ZNF568: variants seen among roughly 807,000 people sequenced by gnomAD.
ZNF568 encodes the protein zinc finger protein 568.
Under a neutral mutation model 18.1 loss-of-function variants are expected in ZNF568, and 11 were observed. The observed-to-expected ratio is 0.61, with a 90% CI of 0.38 to 1.00. ZNF568 has a LOEUF of 1.00. Among genes scored for constraint, ZNF568 ranks in the 50% least tolerant of loss-of-function variants. The probability of loss-of-function intolerance (pLI) is 0.01; values close to 1 mark genes in which losing one functional copy is unlikely to be tolerated. For missense variants in ZNF568, 639 were observed against 768.2 expected (o/e 0.83, Z 1.99); for synonymous variants, 213 against 246.6 (o/e 0.86, Z 1.28).
In ZNF568 at chr19:36,950,873, A is replaced by C. The variant is rs2074049187; in HGVS notation, c.1720A>C (p.Thr574Pro). 1 of 1,613,058 alleles carries C rather than the reference A, an allele frequency of 6.2e-7. No individual in the cohort carries two copies. Among genetic ancestry groups the C allele is most frequent in the Non-Finnish European group, 8.5e-7 (1 of 1,179,704 alleles). ...AGCCTTCTCTCGAATCTCATCCCTC[A>C]CTCTTCATGTGAGAAGTCACACAGG... ...GKAFSRISSLTLHVRSHTGEK... is the reference protein window; with the variant it reads ...GKAFSRISSLPLHVRSHTGEK... Residue 574 changes from threonine (T) to proline (P), a missense_variant, in exon 7 of 7, where the codon ACT becomes CCT. Transcript: ENST00000333987.
chr19:36,961,226 T>C (rs957375168), intron 6 of ZNF568, among the ~76,000 whole-genome samples: 4 of 152,042 alleles, frequency 2.6e-5, no homozygotes, highest in Non-Finnish European at 5.9e-5. Context: ...AGAATTGTTA[T>C]ATCCACTGCT....
chr19:36,991,681 T>G, intron 3 of ZNF568: 2 of 1,262,146 alleles, frequency 1.6e-6, no homozygotes, highest in Non-Finnish European at 2.2e-6. Flanking sequence ...CTCCTCTTTC[T>G]TGGTAATTAG....
At chr19:36,917,487 G>A (rs2073364189) in intron 1 of ZNF568, 92 bp from the exon 2 acceptor site, 1 of 152,050 alleles carries the variant, frequency 6.6e-6, no homozygotes. Context: ...TTTTAGTCCG[G>A]GTTCTCTTTT....
At chr19:36,931,455 T>G (rs485034) in intron 4 of ZNF568, 55,021 of 152,060 alleles carry the variant, frequency 0.36, 10,241 homozygotes, top group African/African-American at 0.4. Context: ...GGCATGAACT[T>G]GGCTCAGGTG....
In ZNF568 at chr19:36,936,684, A is replaced by G; in HGVS notation, c.136-62A>G. The G allele has an allele frequency of 6.5e-6, 10 of 1,548,084 alleles. No homozygotes were observed. In the South Asian group the frequency reaches 8.6e-5, roughly 13 times the overall value. On this transcript the variant is annotated intron_variant, in intron 4 of 6. Transcript: ENST00000333987. ...GAGTACCAGCTAAACAAGTTCTTGT[A>G]TGTTGTGATCACAATGCCTAATTTT...
At chr19:36,927,891 ATATATATATATATTTTTTTT>A (rs2073600688) in intron 4 of ZNF568, among the ~76,000 whole-genome samples, 1 of 24,776 alleles carries the variant, frequency 4.0e-5, no homozygotes, top group African/African-American at 2.4e-4. Context: ...TATATATTAT[ATATATATATATATTTTTTTT>A]TTTTTTTTTT....
chr19:36,957,341 C>T (rs1485256668), downstream of ZNF568, among the ~76,000 whole-genome samples: 1 of 151,478 alleles, frequency 6.6e-6, no homozygotes, highest in Non-Finnish European at 1.5e-5. Context: ...AGCGATTCTC[C>T]CTGCCTCAGC....
rs528661631 is a variant in ZNF568 at position 36,995,609 on chromosome 19, C to T, written c.230-708C>T. Among the ~76,000 whole-genome samples the T allele has an allele frequency of 2.6e-5, 4 of 151,860 alleles. No individual in the cohort carries two copies. The South Asian group carries it at 8.3e-4, about 32-fold the overall frequency. ...CTATTTGTGTTGTTATTGTTTTATT[C>T]CTCTATTCTTCCATTACTACCTTCT... On this transcript the variant is annotated intron_variant, in intron 4 of 4. Coordinates refer to the ZNF568 transcript ENST00000433993.
chr19:36,960,137 CAG>C (rs2074137289), intron 6 of ZNF568, among the ~76,000 whole-genome samples: 2 of 88,294 alleles, frequency 2.3e-5, no homozygotes, highest in Non-Finnish European at 4.3e-5. Flanking sequence ...TTTTTTGAGA[CAG>C]AGTCTCCTCG....
chr19:36,968,665 C>A, intron 6 of ZNF568, among the ~76,000 whole-genome samples: 1 of 149,466 alleles, frequency 6.7e-6, no homozygotes, highest in Admixed American at 6.7e-5. Flanking sequence ...AAAATAACTA[C>A]AATGGAGACA....
chr19:36,985,215 G>A (rs1362309312), intron 2 of ZNF568, among the ~76,000 whole-genome samples: 1 of 152,040 alleles, frequency 6.6e-6, no homozygotes, highest in African/African-American at 2.4e-5. Context: ...TATGATTTAA[G>A]TATGTTTTTT....
intron 4 of ZNF568, among the ~76,000 whole-genome samples, chr19:36,929,420 T>TC (rs2073642759): frequency 6.6e-6 from 1 of 152,058 alleles, no homozygotes; most frequent in African/African-American, 2.4e-5. Context: ...GCGTGGTGGC[T>TC]CACGCCTGTA....
In ZNF568 at chr19:36,996,857, A is replaced by AT; in HGVS notation, c.771dup (p.Leu258SerfsTer3). ...CAAATTAGTCAGCATCAGAGGATGC[A>AT]TCTTGGTGAGAAACCCTATAAGTGT... On this transcript the variant is annotated frameshift_variant, in exon 5 of 5. Coordinates refer to the ZNF568 transcript ENST00000433993. LOFTEE classifies it low-confidence loss of function (END_TRUNC). 6.5e-7 allele frequency: 1 copy of AT among 1,538,518 alleles called. No homozygotes were observed. Among genetic ancestry groups the AT allele is most frequent in the East Asian group, 2.4e-5 (1 of 41,124 alleles).
chr19:36,927,977 C>T (rs766265408), intron 4 of ZNF568, among the ~76,000 whole-genome samples: 17 of 134,084 alleles, frequency 1.3e-4, no homozygotes, highest in East Asian at 4.9e-4. Context: ...TGCAGTGACA[C>T]GATCTTGGCT....
rs551070789 is a variant in ZNF568 at position 36,922,355 on chromosome 19, G to A, written c.-185-231G>A. Among the ~76,000 whole-genome samples, 4 of 152,270 alleles carry A rather than the reference G, an allele frequency of 2.6e-5. No homozygotes were observed. In the East Asian group the frequency reaches 7.7e-4, roughly 29 times the overall value. On this transcript the variant is annotated intron_variant, in intron 2 of 6. Transcript: ENST00000333987. ...TTCCCTCAACATCCATGATCCAAAT[G>A]TGCAAGACAGAAGCCCTAATGTCTT... is the stretch of plus-strand genomic sequence containing the variant.
At chr19:36,992,775 A>T (rs1367836704) in intron 4 of ZNF568, among the ~76,000 whole-genome samples, 1 of 152,222 alleles carries the variant, frequency 6.6e-6, no homozygotes, top group African/African-American at 2.4e-5. Context: ...ATCACTCAAA[A>T]TGAAACGCCA....
intron 2 of ZNF568, among the ~76,000 whole-genome samples, chr19:36,919,793 G>A (rs1331599248): frequency 6.6e-6 from 1 of 152,068 alleles, no homozygotes; most frequent in Non-Finnish European, 1.5e-5. Flanking sequence ...TAACACTGTA[G>A]CACAATACCA....
At chr19:36,953,170 A>T (rs1181763951), downstream of ZNF568, among the ~76,000 whole-genome samples, 1 of 152,234 alleles carries the variant, frequency 6.6e-6, no homozygotes, top group Admixed American at 6.5e-5. Context: ...TATTAGGTTC[A>T]TAGCTAACTA....
intron 4 of ZNF568, among the ~76,000 whole-genome samples, chr19:36,932,843 G>A (rs1255615516): frequency 6.6e-6 from 1 of 152,148 alleles, no homozygotes; most frequent in Non-Finnish European, 1.5e-5. Flanking sequence ...CTTCTTTGAA[G>A]AATTGTCTAT....
Sources: gnomAD v4.1 joint callset for allele counts (sites outside exome capture counted in the v4.1 genomes callset) on GRCh38, gnomAD v4.1.1 for gene constraint, MANE v1.5 for transcripts, NCBI Gene and HGNC (gene_info 2026-07-23, HGNC 2026-07-21) for gene names.